CAST: variants seen among roughly 807,000 people sequenced by gnomAD.
CAST encodes MIR583 host.
In CAST, 76 loss-of-function variants were observed where a neutral mutation model predicts 119.6. The observed-to-expected ratio is 0.64, with a 90% CI of 0.53 to 0.77. CAST has a LOEUF of 0.77. CAST is among the 30% of genes least tolerant of loss of function. The pLI is 0.00. For missense variants in CAST, 953 were observed against 946.5 expected, an observed-to-expected ratio of 1.01 and a Z score of -0.09; for synonymous variants, 319 against 331.6, an observed-to-expected ratio of 0.96 and a Z score of 0.41.
the CAST span, among the ~76,000 whole-genome samples, chr5:96,026,004 A>C: frequency 8.5e-5 from 13 of 152,150 alleles, no homozygotes; most frequent in African/African-American, 3.1e-4. Flanking sequence ...AGGCCAAGAC[A>C]AGTGGATTGC....
the CAST span, among the ~76,000 whole-genome samples, chr5:96,397,972 T>C: frequency 6.6e-6 from 1 of 152,036 alleles, no homozygotes; most frequent in Non-Finnish European, 1.5e-5. Flanking sequence ...TATTAATTTC[T>C]TAAAGATATA....
the CAST span, among the ~76,000 whole-genome samples, chr5:96,433,613 G>A: frequency 6.6e-6 from 1 of 152,114 alleles, no homozygotes; most frequent in Non-Finnish European, 1.5e-5. Flanking sequence ...GGGAGGGGGG[G>A]AGGCTATAGG....
intron 9 of CAST, among the ~76,000 whole-genome samples, chr5:96,731,512 T>G (rs149395292): frequency 0.011 from 1,712 of 151,278 alleles, 109 homozygotes; most frequent in Admixed American, 0.094. Flanking sequence ...TTTATTTATT[T>G]TCATTATACT....
chr5:96,165,667 A>G, the CAST span, among the ~76,000 whole-genome samples: 1 of 152,198 alleles, frequency 6.6e-6, no homozygotes, highest in Non-Finnish European at 1.5e-5. Flanking sequence ...GATTTTTGCC[A>G]GGCTTCTATA....
the CAST span, among the ~76,000 whole-genome samples, chr5:95,979,975 A>G: frequency 1.3e-5 from 2 of 151,976 alleles, no homozygotes; most frequent in Non-Finnish European, 2.9e-5. Flanking sequence ...AAAATTAGCC[A>G]GGCATGGTGG....
At chr5:96,071,232 A>C in the CAST span, among the ~76,000 whole-genome samples, 2 of 151,698 alleles carry the variant, frequency 1.3e-5, no homozygotes, top group South Asian at 4.2e-4. Flanking sequence ...ACTTCACCCT[A>C]TATTTCCTAA....
the CAST span, among the ~76,000 whole-genome samples, chr5:96,478,983 A>G: frequency 6.6e-6 from 1 of 152,226 alleles, no homozygotes; most frequent in Non-Finnish European, 1.5e-5. Flanking sequence ...GAAAAGAAAT[A>G]AAGTGCTAAT....
chr5:96,431,821 A>C, the CAST span, among the ~76,000 whole-genome samples: 1 of 152,040 alleles, frequency 6.6e-6, no homozygotes, highest in African/African-American at 2.4e-5. Flanking sequence ...AACGCGCCAA[A>C]ATGTTTTACA....
At chr5:96,455,908 C>T in the CAST span, among the ~76,000 whole-genome samples, 1 of 152,204 alleles carries the variant, frequency 6.6e-6, no homozygotes, top group South Asian at 2.1e-4. Flanking sequence ...AATGCTGCAT[C>T]TATTTAGAGA....
At chr5:96,236,193 C>T in the CAST span, among the ~76,000 whole-genome samples, 1 of 151,960 alleles carries the variant, frequency 6.6e-6, no homozygotes. Context: ...GGAGTTGGCT[C>T]CTCTTGGGAA....
the CAST span, among the ~76,000 whole-genome samples, chr5:96,287,364 G>A: frequency 2.6e-5 from 4 of 151,928 alleles, no homozygotes; most frequent in Non-Finnish European, 4.4e-5. Context: ...GCCTTTGAGC[G>A]GTATTTACAA....
chr5:96,529,691 C>T, upstream of CAST: 1 of 314,012 alleles, frequency 3.2e-6, no homozygotes, highest in South Asian at 2.6e-5. Context: ...ATGGAGATAA[C>T]TGAATCGTGG....
At chr5:96,102,816 CT>C in the CAST span, among the ~76,000 whole-genome samples, 9 of 151,372 alleles carry the variant, frequency 5.9e-5, no homozygotes, top group Admixed American at 6.6e-5. Flanking sequence ...CAGTTTAAAC[CT>C]TTTCCTAATC....
the CAST span, chr5:96,215,156 A>G: frequency 6.6e-6 from 1 of 152,160 alleles, no homozygotes; most frequent in Non-Finnish European, 1.5e-5. Flanking sequence ...CTAAATTTAA[A>G]TCCCTGCTCA....
chr5:96,117,890 C>T, the CAST span, among the ~76,000 whole-genome samples: 10 of 152,218 alleles, frequency 6.6e-5, no homozygotes, highest in Admixed American at 2.0e-4. Context: ...GCCTTTTGCC[C>T]GTTACCACTT....
chr5:96,395,855 A>G, the CAST span, among the ~76,000 whole-genome samples: 1 of 152,226 alleles, frequency 6.6e-6, no homozygotes, highest in Non-Finnish European at 1.5e-5. Flanking sequence ...AGAGGTCTAT[A>G]AATTCAGTTA....
the CAST span, among the ~76,000 whole-genome samples, chr5:96,054,514 C>T: frequency 2.6e-5 from 4 of 152,082 alleles, no homozygotes; most frequent in Non-Finnish European, 2.9e-5. Flanking sequence ...AAAAACCACG[C>T]ACTGGGAAGG....
chr5:96,108,943 C>T, the CAST span, among the ~76,000 whole-genome samples: 1 of 152,252 alleles, frequency 6.6e-6, no homozygotes, highest in Admixed American at 6.5e-5. Flanking sequence ...GTTTTTTAAG[C>T]CCATCGGAAA....
the CAST span, among the ~76,000 whole-genome samples, chr5:96,393,712 A>G: frequency 1.3e-5 from 2 of 152,244 alleles, no homozygotes; most frequent in Admixed American, 1.3e-4. Flanking sequence ...GCCTGCTGTC[A>G]TGGAATCCAT....
Sources: gnomAD v4.1 joint callset for allele counts (sites outside exome capture counted in the v4.1 genomes callset) on GRCh38, gnomAD v4.1.1 for gene constraint, MANE v1.5 for transcripts, NCBI Gene and HGNC (gene_info 2026-07-23, HGNC 2026-07-21) for gene names.